The following PRKD1 variants were observed in gnomAD, a reference collection of about 807,000 sequenced individuals.
The protein encoded by PRKD1 is serine/threonine-protein kinase D1.
In PRKD1, 63 loss-of-function variants were observed where a neutral mutation model predicts 95.9. The observed-to-expected ratio is 0.66, with a 90% CI of 0.54 to 0.81. The LOEUF (loss-of-function observed/expected upper bound fraction) is 0.81, where lower values mean the gene tolerates loss of function less well. PRKD1 is among the 30% of genes least tolerant of loss of function. PRKD1 has a pLI of 0.00. For missense variants in PRKD1, 1,048 were observed against 1,165.3 expected (o/e 0.90, Z 1.47); for synonymous variants, 425 against 423.1 (o/e 1.00, Z -0.05).
intron 1 of PRKD1, among the ~76,000 whole-genome samples, chr14:29,780,163 T>A (rs1448355593): frequency 6.6e-6 from 1 of 152,142 alleles, no homozygotes; most frequent in East Asian, 1.9e-4. Context: ...ACTTAAATAT[T>A]AGACCTAAAA....
In PRKD1 at chr14:29,756,734, G is replaced by C. The variant is rs45573236; in HGVS notation, c.265-31060C>G. Among the ~76,000 whole-genome samples, 50 of 152,332 alleles carry C rather than the reference G, an allele frequency of 3.3e-4. 1 individual carries two copies. In the East Asian group the frequency reaches 8.5e-3, roughly 26 times the overall value. ...CAATCAGAAAGTTCAAGGTCCTACA[G>C]ACAGAGCTATGGGAGCCTGCATGGT... On this transcript the variant is annotated intron_variant, in intron 1 of 17. Coordinates refer to ENST00000331968, the MANE Select transcript of PRKD1 (RefSeq NM_002742.3).
At chr14:29,664,733 T>C (rs762599768) in intron 3 of PRKD1, among the ~76,000 whole-genome samples, 1 of 152,182 alleles carries the variant, frequency 6.6e-6, no homozygotes, top group Non-Finnish European at 1.5e-5. Context: ...TAGAGTACAA[T>C]TGCGCCAGTT....
intron 1 of PRKD1, among the ~76,000 whole-genome samples, chr14:29,918,547 T>C (rs1019758178): frequency 2.0e-5 from 3 of 152,184 alleles, no homozygotes; most frequent in Non-Finnish European, 4.4e-5. Flanking sequence ...GGTGACCCTT[T>C]AATCTAATGT....
chr14:29,620,811 C>T (rs1337811116), intron 13 of PRKD1, among the ~76,000 whole-genome samples: 2 of 152,016 alleles, frequency 1.3e-5, no homozygotes, highest in African/African-American at 4.8e-5. Context: ...TTTGACCCAG[C>T]CATCCCATTA....
chr14:29,717,567 G>T (rs2139372692), intron 2 of PRKD1, among the ~76,000 whole-genome samples: 1 of 152,136 alleles, frequency 6.6e-6, no homozygotes, highest in South Asian at 2.1e-4. Context: ...ATATTTCTGA[G>T]TTAATATATG....
chr14:29,783,083 C>T (rs7342532), intron 1 of PRKD1, among the ~76,000 whole-genome samples: 36,520 of 152,094 alleles, frequency 0.24, 4,747 homozygotes, highest in African/African-American at 0.32. Flanking sequence ...TACTGTGCTA[C>T]TGAACACTAG....
intron 2 of PRKD1, among the ~76,000 whole-genome samples, chr14:29,685,841 T>G (rs1205341278): frequency 1.3e-5 from 2 of 152,136 alleles, no homozygotes; most frequent in Non-Finnish European, 2.9e-5. Flanking sequence ...ATTTCTATTT[T>G]GGACTGTATA....
At chr14:29,705,324 C>A (rs1434936207) in intron 2 of PRKD1, among the ~76,000 whole-genome samples, 1 of 151,660 alleles carries the variant, frequency 6.6e-6, no homozygotes. Context: ...AAAGTAATTG[C>A]GGTTTTTGCC....
At chr14:29,826,776 T>C (rs1384261354) in intron 1 of PRKD1, among the ~76,000 whole-genome samples, 1 of 36,358 alleles carries the variant, frequency 2.8e-5, no homozygotes, top group Non-Finnish European at 5.4e-5. Context: ...TATACACATA[T>C]ATATACATAT....
At chr14:29,604,305 T>C (rs544889518) in intron 13 of PRKD1, among the ~76,000 whole-genome samples, 75 of 152,304 alleles carry the variant, frequency 4.9e-4, no homozygotes, top group African/African-American at 1.6e-3. Context: ...CCTTTAGGAT[T>C]ATTCTACTCA....
chr14:29,758,714 T>G (rs548200770), intron 1 of PRKD1, among the ~76,000 whole-genome samples: 2 of 152,298 alleles, frequency 1.3e-5, no homozygotes, highest in African/African-American at 4.8e-5. Context: ...ATTGGGAGAT[T>G]TCACATAATT....
At chr14:29,920,528 T>C (rs1392579166) in intron 1 of PRKD1, among the ~76,000 whole-genome samples, 1 of 151,482 alleles carries the variant, frequency 6.6e-6, no homozygotes, top group Non-Finnish European at 1.5e-5. Context: ...CCTGCAATAT[T>C]GATCATTATA....
intron 1 of PRKD1, 60 bp from the exon 2 acceptor site, chr14:29,725,734 A>T: frequency 6.4e-7 from 1 of 1,566,578 alleles, no homozygotes. Context: ...ATTTTGTTTT[A>T]AATATTTCAG....
intron 1 of PRKD1, among the ~76,000 whole-genome samples, chr14:29,810,819 G>A (rs1890451883): frequency 6.6e-6 from 1 of 152,172 alleles, no homozygotes; most frequent in Admixed American, 6.5e-5. Flanking sequence ...TAGTAGTTTT[G>A]GCAGCTCATT....
rs370247713 is a variant in PRKD1 at position 29,634,369 on chromosome 14, C to T, written c.1314+49G>A. 4 of 1,613,060 alleles carry T rather than the reference C, an allele frequency of 2.5e-6. 1 individual carries two copies. In the South Asian group the frequency reaches 4.4e-5, roughly 18 times the overall value. Reference sequence around the variant, plus strand: ...TCCTCACGGGACATTAGCAACTCCTCTAATTAAAGCTAGCAAGGCAAGAGA... The same window carrying T: ...TCCTCACGGGACATTAGCAACTCCTTTAATTAAAGCTAGCAAGGCAAGAGA... On this transcript the variant is annotated intron_variant, in intron 8 of 17. Coordinates refer to ENST00000331968, the MANE Select transcript of PRKD1 (RefSeq NM_002742.3).
chr14:29,665,121 G>T (rs975135689), intron 3 of PRKD1, among the ~76,000 whole-genome samples: 2 of 152,306 alleles, frequency 1.3e-5, no homozygotes, highest in East Asian at 3.9e-4. Flanking sequence ...GAACAGAAGA[G>T]AATCCATGTA....
intron 4 of PRKD1, chr14:29,657,321 T>C (rs1881919327): frequency 6.6e-6 from 1 of 152,350 alleles, no homozygotes; most frequent in Middle Eastern, 3.4e-3. Flanking sequence ...CTCTATCTGA[T>C]AACTAGAAAC....
At chr14:29,813,787 A>G (rs996196436) in intron 1 of PRKD1, among the ~76,000 whole-genome samples, 1 of 152,180 alleles carries the variant, frequency 6.6e-6, no homozygotes, top group Non-Finnish European at 1.5e-5. Context: ...TCCAATTACT[A>G]TATCTACCAT....
intron 2 of PRKD1, among the ~76,000 whole-genome samples, chr14:29,669,451 A>ATTTTTTTTTTCC (rs1164145818): frequency 6.7e-6 from 1 of 150,072 alleles, no homozygotes; most frequent in Non-Finnish European, 1.5e-5. Flanking sequence ...TGCTGTGGGC[A>ATTTTTTTTTTCC]TTTTTTTTTT....
Sources: gnomAD v4.1 joint callset for allele counts (sites outside exome capture counted in the v4.1 genomes callset) on GRCh38, gnomAD v4.1.1 for gene constraint, MANE v1.5 for transcripts, NCBI Gene and HGNC (gene_info 2026-07-23, HGNC 2026-07-21) for gene names.